TMEM219: variants seen among roughly 807,000 people sequenced by gnomAD.
The protein encoded by TMEM219 is insulin-like growth factor-binding protein 3 receptor.
Under a neutral mutation model 17.9 loss-of-function variants are expected in TMEM219, and 18 were observed. The ratio of observed to expected loss-of-function variants is 1.01; its 90% CI spans 0.70 to 1.49. The LOEUF is 1.49. TMEM219 is among the 40% of genes most tolerant of loss of function. The pLI is 0.00. For synonymous variants in TMEM219, 113 were observed against 124.0 expected (o/e 0.91, Z 0.59); for missense variants, 288 against 292.4 (o/e 0.99, Z 0.11).
At chr16:29,962,642 T>C (rs1002406108) in intron 1 of TMEM219, 1 of 157,150 alleles carries the variant, frequency 6.4e-6, no homozygotes, top group South Asian at 1.9e-4. Flanking sequence ...CCACGTTTAA[T>C]CCTTATTACT....
intron 4 of TMEM219, among the ~76,000 whole-genome samples, chr16:29,968,988 C>T (rs759872840): frequency 6.6e-6 from 1 of 152,096 alleles, no homozygotes; most frequent in Non-Finnish European, 1.5e-5. Flanking sequence ...TGGACAGGGA[C>T]TGCAGTAGAG....
At chr16:29,970,398 T>C (rs13339129) in intron 4 of TMEM219, among the ~76,000 whole-genome samples, 8 of 150,556 alleles carry the variant, frequency 5.3e-5, no homozygotes, top group Admixed American at 2.0e-4. Flanking sequence ...AATCTCAGCT[T>C]ACTGCAAGCT....
chr16:29,962,422 C>T (rs910189613), intron 1 of TMEM219, among the ~76,000 whole-genome samples: 1 of 152,102 alleles, frequency 6.6e-6, no homozygotes, highest in Admixed American at 6.6e-5. Flanking sequence ...TCGCACCTTG[C>T]GTGGGAAGGA....
Position 29,968,019 on chromosome 16 carries a change from T to C in TMEM219, c.356-6T>C. The C allele has an allele frequency of 6.2e-7, 1 of 1,610,782 alleles. No homozygotes were observed. The highest frequency in any genetic ancestry group is 8.5e-7 in the Non-Finnish European group (1 of 1,177,068). ...TCTTCCATTTTCTCTTCTGTGCCTT[T>C]CACAGGATCTTCTGCAGGACAACTG... is the stretch of plus-strand genomic sequence containing the variant. On this transcript the variant is annotated splice_region_variant and splice_polypyrimidine_tract_variant and intron_variant, in intron 3 of 5. Transcript: ENST00000279396.
chr16:29,971,737 A>C lies in TMEM219; in HGVS notation c.*33+159A>C, dbSNP rs936018288. ...CAGCTCTCCCTTAGGGACTGGGAAC[A>C]ATTTGACACCGTCAGCATTCAATAT... On this transcript the variant is annotated intron_variant, in intron 5 of 5. Transcript: ENST00000279396. The C allele has an allele frequency of 9.1e-6, 5 of 546,876 alleles. No individual in the cohort carries two copies. The African/African-American group carries it at 9.5e-5, about 10-fold the overall frequency. 33.9% of individuals were successfully genotyped at this position (546,876 alleles called of 1,614,324 possible).
intron 4 of TMEM219, 26 bp downstream of exon 4, chr16:29,968,280 G>A (rs775343792): frequency 2.5e-6 from 4 of 1,584,472 alleles, no homozygotes; most frequent in Non-Finnish European, 2.6e-6. Context: ...GGGTCGCCAG[G>A]GTTTTGTAGA....
At chr16:29,970,916 C>T (rs2069276979) in intron 4 of TMEM219, among the ~76,000 whole-genome samples, 1 of 150,330 alleles carries the variant, frequency 6.7e-6, no homozygotes. Context: ...TGCACTCCAG[C>T]CTGAGTTACA....
At chr16:29,972,806 G>T (rs1267470958) in intron 5 of TMEM219, 144 bp from the exon 6 acceptor site, 1 of 152,274 alleles carries the variant, frequency 6.6e-6, no homozygotes, top group Non-Finnish European at 1.5e-5. Flanking sequence ...CTGGGGTCCT[G>T]AGGCTACCTT....
rs1163145333 is a variant in TMEM219 at position 29,963,534 on chromosome 16, G to A, written c.300G>A (p.Arg100=). The A allele has an allele frequency of 6.2e-7, 1 of 1,614,010 alleles. No homozygotes were observed. The highest frequency in any genetic ancestry group is 8.5e-7 in the Non-Finnish European group (1 of 1,180,032). ...TGAACTTCGGAGACGGTCCAGACAG[G>A]AACAAGACCCGGACATTCCAGGCCA... The part of the protein sequence containing the change: ...TTLNFGDGPD[R]NKTRTFQATV... Residue 100 remains arginine, a synonymous_variant, in exon 3 of 6, where the codon AGG becomes AGA. Coordinates refer to ENST00000279396, the MANE Select transcript of TMEM219 (RefSeq NM_001083613.2).
intron 4 of TMEM219, among the ~76,000 whole-genome samples, chr16:29,969,266 G>A (rs980758763): frequency 1.1e-4 from 15 of 140,204 alleles, no homozygotes; most frequent in African/African-American, 3.8e-4. Flanking sequence ...GCACAATCTC[G>A]GCTCACTGCA....
intron 3 of TMEM219, among the ~76,000 whole-genome samples, chr16:29,967,350 T>C (rs1169734525): frequency 6.6e-6 from 1 of 152,184 alleles, no homozygotes; most frequent in African/African-American, 2.4e-5. Context: ...GGTTCATGCC[T>C]GGAATCCCAA....
Position 29,971,594 on chromosome 16 carries a change from C to T in TMEM219, c.*33+16C>T, listed in dbSNP as rs982678540. ...TGTTTCTCAGGTGAGGTTCTTTGCT[C>T]CAGTCCTGCGGGAGCAGGGAATGGG... On this transcript the variant is annotated intron_variant, in intron 5 of 5. Coordinates refer to ENST00000279396, the MANE Select transcript of TMEM219 (RefSeq NM_001083613.2). 6.3e-7 allele frequency: 1 copy of T among 1,598,736 alleles called. No individual in the cohort carries two copies. Among genetic ancestry groups the T allele is most frequent in the South Asian group, 1.1e-5 (1 of 90,548 alleles).
In TMEM219 at chr16:29,963,285, C is replaced by T; in HGVS notation, c.142C>T (p.Leu48=). 1 of 1,614,182 alleles carries T rather than the reference C, an allele frequency of 6.2e-7. No individual in the cohort carries two copies. Among genetic ancestry groups the T allele is most frequent in the Non-Finnish European group, 8.5e-7 (1 of 1,180,046 alleles). The part of the protein sequence containing the change: ...GSFLLTHRTG[L]RSPDIPQDWV... ...CTTCCTCCTCACCCACAGGACTGGC[C>T]TGCGCAGCCCTGACATCCCCCAGGT... Residue 48 remains leucine (L), a synonymous_variant, in exon 2 of 6, where the codon CTG becomes TTG. Coordinates refer to ENST00000279396, the MANE Select transcript of TMEM219 (RefSeq NM_001083613.2).
chr16:29,964,255 G>A (rs1377959742), intron 3 of TMEM219, among the ~76,000 whole-genome samples: 6 of 152,084 alleles, frequency 3.9e-5, no homozygotes, highest in African/African-American at 9.6e-5. Context: ...GCCAGGAGGC[G>A]GAGGTTGCAG....
At chr16:29,967,994 T>C in intron 3 of TMEM219, 31 bp from the exon 4 acceptor site, 1 of 1,551,040 alleles carries the variant, frequency 6.4e-7, no homozygotes, top group South Asian at 1.1e-5. Flanking sequence ...CCTCTCATTT[T>C]CTTCCATTTT....
At chr16:29,967,743 CAGT>C (rs2069230239) in intron 3 of TMEM219, among the ~76,000 whole-genome samples, 1 of 66,760 alleles carries the variant, frequency 1.5e-5, no homozygotes, top group Non-Finnish European at 4.5e-5. Context: ...CTGGCTACCA[CAGT>C]GAAACCCCGT....
In TMEM219 at chr16:29,971,604, G is replaced by A. The variant is rs148130798; in HGVS notation, c.*33+26G>A. Reference sequence around the variant, plus strand: ...GTGAGGTTCTTTGCTCCAGTCCTGCGGGAGCAGGGAATGGGGTGGGGGTGG... The same window carrying A: ...GTGAGGTTCTTTGCTCCAGTCCTGCAGGAGCAGGGAATGGGGTGGGGGTGG... On this transcript the variant is annotated intron_variant, in intron 5 of 5. Coordinates refer to ENST00000279396, the MANE Select transcript of TMEM219 (RefSeq NM_001083613.2). 2.2e-4 allele frequency: 357 copies of A among 1,588,886 alleles called. No individual in the cohort carries two copies. The East Asian group carries it at 7.2e-3, about 32-fold the overall frequency.
chr16:29,969,417 A>C (rs1475008768), intron 4 of TMEM219, among the ~76,000 whole-genome samples: 1 of 151,848 alleles, frequency 6.6e-6, no homozygotes, highest in South Asian at 2.1e-4. Flanking sequence ...GGATGATCTC[A>C]ATCTCCTGAC....
At chr16:29,968,625 C>T (rs932953777) in intron 4 of TMEM219, 20 of 193,658 alleles carry the variant, frequency 1.0e-4, no homozygotes, top group Admixed American at 3.2e-4. Flanking sequence ...GGCAAATGGG[C>T]TAATTGCTAT....
Sources: allele counts gnomAD v4.1 joint callset (sites outside exome capture counted in the v4.1 genomes callset), GRCh38; gene constraint gnomAD v4.1.1; transcripts MANE v1.5; gene names NCBI Gene and HGNC (gene_info 2026-07-23, HGNC 2026-07-21).